KLHDC1: variants seen among roughly 807,000 people sequenced by gnomAD.
The protein encoded by KLHDC1 is kelch domain-containing protein 1.
Under a neutral mutation model 68.3 loss-of-function variants are expected in KLHDC1, and 53 were observed. The observed-to-expected ratio is 0.78, with a 90% CI of 0.62 to 0.98. The LOEUF (loss-of-function observed/expected upper bound fraction) is 0.98. KLHDC1 is among the 50% of genes least tolerant of loss of function. The pLI, the probability that KLHDC1 is intolerant of heterozygous loss-of-function variation, is 0.00. For synonymous variants in KLHDC1, 148 were observed against 159.0 expected, an observed-to-expected ratio of 0.93 and a Z score of 0.52; for missense variants, 470 against 492.3, an observed-to-expected ratio of 0.95 and a Z score of 0.43.
chr14:49,743,863 C>T (rs1324393231), intron 12 of KLHDC1, 58 bp downstream of exon 12: 3 of 1,007,200 alleles, frequency 3.0e-6, no homozygotes, highest in Non-Finnish European at 1.5e-6. Flanking sequence ...ATTTCTTTCT[C>T]ATTTTTGGGA....
chr14:49,722,249 G>T (rs1389042833), intron 4 of KLHDC1, among the ~76,000 whole-genome samples: 1 of 152,152 alleles, frequency 6.6e-6, no homozygotes, highest in Non-Finnish European at 1.5e-5. Flanking sequence ...TTTACATTAG[G>T]TATATCTCCT....
chr14:49,734,732 T>G, intron 10 of KLHDC1, 71 bp downstream of exon 10: 2 of 745,716 alleles, frequency 2.7e-6, no homozygotes, highest in African/African-American at 1.8e-5. Context: ...GTACTGAATT[T>G]ATAGTGTTTG....
rs1888286430 is a variant in KLHDC1, at chr14:49,713,829, TATATATATATATATA to T, written c.404+3449_404+3463del. 5.8e-3 allele frequency among the ~76,000 whole-genome samples: 58 copies of T among 9,936 alleles called. 3 individuals are homozygous for T. Among genetic ancestry groups the T allele is most frequent in the Admixed American group, 8.9e-3 (6 of 674 alleles). 6.5% of individuals were successfully genotyped at this position (9,936 alleles called of 152,430 possible). ...ATATATATATATATATATATATATA[TATATATATATATATA>T]TATATATTTTTTTTTTTTTTTTTCC... On this transcript the variant is annotated intron_variant, in intron 4 of 12. Transcript: ENST00000359332.
In KLHDC1 at chr14:49,693,309, A is replaced by T. The variant is rs1370227593; in HGVS notation, c.96+19A>T. On this transcript the variant is annotated intron_variant, in intron 1 of 12. Transcript: ENST00000359332. ...CTACGTGGTAAGGGGAAGAGGCGGG[A>T]CGGGGTAGACTCGCGCCGGGAGACC... 1 of 1,487,418 alleles carries T rather than the reference A, an allele frequency of 6.7e-7. No homozygotes were observed. The highest frequency in any genetic ancestry group is 9.0e-7 in the Non-Finnish European group (1 of 1,111,038). 92.1% of individuals were successfully genotyped at this position (1,487,418 alleles called of 1,614,324 possible).
chr14:49,720,515 C>A (rs1288657427), intron 4 of KLHDC1, among the ~76,000 whole-genome samples: 2 of 151,650 alleles, frequency 1.3e-5, no homozygotes, highest in East Asian at 3.9e-4. Flanking sequence ...TATATTTTTG[C>A]CCTTAAATAA....
At position 49,740,079 on chromosome 14, in the gene KLHDC1, T is replaced by G. The variant is rs750280183; in HGVS notation, c.897-19T>G. ...CTCCCATGACAGTGTTTCACTCTGT[T>G]TATAATTTTCAATCATAGGTTATGG... On this transcript the variant is annotated intron_variant, in intron 10 of 12. Coordinates refer to ENST00000359332, the MANE Select transcript of KLHDC1 (RefSeq NM_172193.3). The G allele has an allele frequency of 1.3e-6, 2 of 1,482,094 alleles. No homozygotes were observed. Among genetic ancestry groups the G allele is most frequent in the South Asian group, 1.2e-5 (1 of 85,916 alleles). The allele number at this position is 1,482,094 out of a possible 1,614,324, so 91.8% of individuals were successfully genotyped here.
chr14:49,693,164 C>G lies in KLHDC1; in HGVS notation c.-31C>G. ...GCCGCCGGGCGGGCAGGGGTTGTGG[C>G]GCGGCAAGCGGCGGGCCAGCGACGG... On this transcript the variant is annotated 5_prime_UTR_variant, in exon 1 of 13. Coordinates refer to ENST00000359332, the MANE Select transcript of KLHDC1 (RefSeq NM_172193.3). 6.4e-7 allele frequency: 1 copy of G among 1,559,510 alleles called. No homozygotes were observed. The highest frequency in any genetic ancestry group is 1.2e-5 in the South Asian group (1 of 86,710).
chr14:49,733,783 A>T (rs1427803464), intron 9 of KLHDC1, among the ~76,000 whole-genome samples: 1 of 152,190 alleles, frequency 6.6e-6, no homozygotes, highest in African/African-American at 2.4e-5. Context: ...AAGAAACATT[A>T]TACACTATTA....
Position 49,709,741 on chromosome 14 carries a change from C to A in KLHDC1, c.200C>A (p.Ala67Asp). The A allele has an allele frequency of 6.2e-7, 1 of 1,601,920 alleles. No individual in the cohort carries two copies. Among genetic ancestry groups the A allele is most frequent in the Non-Finnish European group, 8.5e-7 (1 of 1,174,910 alleles). Residue 67 changes from alanine (A) to aspartate (D), a missense_variant, in exon 3 of 13, where the codon GCC becomes GAC. Physicochemically the swap from Ala to Asp is moderately radical, Grantham distance 126 (BLOSUM62 -2). Coordinates refer to ENST00000359332, the MANE Select transcript of KLHDC1 (RefSeq NM_172193.3). ...RMHLMEGELP[A>D]SMSGSCGACI... Reference sequence around the variant, plus strand: ...CACCTCATGGAAGGAGAACTCCCAGCCTCCATGTCAGGAAGCTGTGGTGCT... The same window carrying A: ...CACCTCATGGAAGGAGAACTCCCAGACTCCATGTCAGGAAGCTGTGGTGCT...
intron 1 of KLHDC1, among the ~76,000 whole-genome samples, chr14:49,698,747 C>T (rs1887814476): frequency 6.6e-6 from 1 of 151,266 alleles, no homozygotes; most frequent in African/African-American, 2.4e-5. Flanking sequence ...AACTCCTGAC[C>T]TTAGGCAGTC....
chr14:49,730,548 T>C (rs1888780524), intron 8 of KLHDC1, among the ~76,000 whole-genome samples: 2 of 151,962 alleles, frequency 1.3e-5, no homozygotes, highest in African/African-American at 4.8e-5. Context: ...AAAAGAGAGA[T>C]GTCAGGGCAA....
chr14:49,723,043 C>G (rs755965868), intron 4 of KLHDC1, among the ~76,000 whole-genome samples: 1 of 132,858 alleles, frequency 7.5e-6, no homozygotes, highest in Non-Finnish European at 1.6e-5. Flanking sequence ...GCAGAGATCA[C>G]GCCACTGCAC....
rs868051121 is a variant in KLHDC1 at position 49,697,595 on chromosome 14, A to G, written c.96+4305A>G. ...AACCTTCAATTTATTTAAAAAATGC[A>G]ATATCTGTCAAGCACAGTAAAGCAA... On this transcript the variant is annotated intron_variant, in intron 1 of 12. Transcript: ENST00000359332. 4.6e-5 allele frequency among the ~76,000 whole-genome samples: 7 copies of G among 152,360 alleles called. No homozygotes were observed. In the South Asian group the frequency reaches 1.4e-3, roughly 32 times the overall value.
intron 4 of KLHDC1, among the ~76,000 whole-genome samples, chr14:49,722,786 C>CT (rs1238986435): frequency 1.3e-5 from 2 of 151,074 alleles, no homozygotes; most frequent in Non-Finnish European, 3.0e-5. Flanking sequence ...GGAAGCTCCC[C>CT]TTTTGAAAAC....
intron 11 of KLHDC1, among the ~76,000 whole-genome samples, chr14:49,742,778 A>G (rs1030867673): frequency 9.2e-5 from 14 of 151,422 alleles, no homozygotes; most frequent in Non-Finnish European, 1.9e-4. Flanking sequence ...TTGAAAGAAA[A>G]AGTTCAGCTT....
intron 10 of KLHDC1, among the ~76,000 whole-genome samples, chr14:49,737,493 T>C (rs985916909): frequency 6.6e-5 from 10 of 152,044 alleles, no homozygotes; most frequent in Admixed American, 5.2e-4. Flanking sequence ...AAAAATAAAA[T>C]AAGTTGTGTG....
chr14:49,693,726 ATATT>A (rs1887641550), intron 1 of KLHDC1, among the ~76,000 whole-genome samples: 1 of 122,084 alleles, frequency 8.2e-6, no homozygotes, highest in African/African-American at 2.9e-5. Context: ...AAGCATTTAA[ATATT>A]TATTTTCTTT....
intron 1 of KLHDC1, among the ~76,000 whole-genome samples, chr14:49,695,767 T>G (rs1025008802): frequency 6.6e-5 from 10 of 152,104 alleles, no homozygotes; most frequent in African/African-American, 2.4e-4. Context: ...TCATCCACGT[T>G]AAAAAATCTA....
intron 1 of KLHDC1, among the ~76,000 whole-genome samples, chr14:49,695,764 C>T (rs535588382): frequency 3.3e-5 from 5 of 152,240 alleles, no homozygotes; most frequent in African/African-American, 1.2e-4. Flanking sequence ...GTTTCATCCA[C>T]GTTAAAAAAT....
Sources: allele counts gnomAD v4.1 joint callset (sites outside exome capture counted in the v4.1 genomes callset), GRCh38; gene constraint gnomAD v4.1.1; transcripts MANE v1.5; gene names NCBI Gene and HGNC (gene_info 2026-07-23, HGNC 2026-07-21).